The following XG variants were observed in gnomAD, a reference collection of about 807,000 sequenced individuals.
The protein encoded by XG is Xg glycoprotein (Xg blood group), also known as glycoprotein Xg.
Under a neutral mutation model 25.7 loss-of-function variants are expected in XG, and 24 were observed. That is an observed-to-expected ratio of 0.93 (90% CI 0.68 to 1.31). The LOEUF (loss-of-function observed/expected upper bound fraction) is 1.31, where lower values mean the gene tolerates loss of function less well. Ranked by LOEUF, XG falls within the 40% of genes most tolerant of loss-of-function variation. The probability of loss-of-function intolerance (pLI) is 0.00; values close to 1 mark genes in which losing one functional copy is unlikely to be tolerated. For synonymous variants in XG, 77 were observed against 69.2 expected, an observed-to-expected ratio of 1.11 and a Z score of -0.56; for missense variants, 181 against 187.6, an observed-to-expected ratio of 0.96 and a Z score of 0.21.
chrX:2,765,959 C>G (rs1029679559), intron 1 of XG, among the ~76,000 whole-genome samples: 1 of 152,200 alleles, frequency 6.6e-6, no homozygotes, highest in Non-Finnish European at 1.5e-5. Context: ...TGTGTATACA[C>G]GGGAGCATTC....
chrX:2,810,203 G>A (rs1436231188), intron 9 of XG, among the ~76,000 whole-genome samples: 2 of 112,089 alleles, frequency 1.8e-5, no homozygotes, highest in East Asian at 5.6e-4. Context: ...TATTGGCCCA[G>A]GTGTTCAACC....
intron 2 of XG, 24 bp downstream of exon 2, chrX:2,770,615 A>G (rs375648613): frequency 1.3e-4 from 203 of 1,613,588 alleles, no homozygotes; most frequent in Non-Finnish European, 1.7e-4. Context: ...TTTCAAGGGG[A>G]GCCTTCCCTT....
At chrX:2,762,257 G>C (rs1233999861) in intron 1 of XG, among the ~76,000 whole-genome samples, 3 of 152,138 alleles carry the variant, frequency 2.0e-5, no homozygotes, top group Non-Finnish European at 4.4e-5. Flanking sequence ...ACCGTCTGTT[G>C]TGTTACAGAC....
intron 1 of XG, among the ~76,000 whole-genome samples, chrX:2,765,968 T>A (rs1353763510): frequency 6.6e-6 from 1 of 152,226 alleles, no homozygotes; most frequent in Admixed American, 6.5e-5. Flanking sequence ...ACGGGAGCAT[T>A]CAGAATGAAG....
chrX:2,752,295 T>G lies in XG; in HGVS notation c.21T>G (p.Leu7=), dbSNP rs1323941538. Residue 7 remains leucine, a synonymous_variant, in exon 1 of 11, where the codon CTT becomes CTG. Coordinates refer to ENST00000644266, the MANE Select transcript of XG (RefSeq NM_001141919.2). ...AAACCATGGAGAGCTGGTGGGGACT[T>G]CCCTGTCTTGCGTTCCTGTGTTTTC... is the stretch of plus-strand genomic sequence containing the variant. MESWWG[L]PCLAFLCFLM... 3 of 1,613,730 alleles carry G rather than the reference T, an allele frequency of 1.9e-6. No homozygotes were observed. The African/African-American group carries it at 4.0e-5, about 22-fold the overall frequency.
At chrX:2,768,161 T>A (rs2050740015) in intron 1 of XG, among the ~76,000 whole-genome samples, 2 of 152,024 alleles carry the variant, frequency 1.3e-5, no homozygotes, top group African/African-American at 4.8e-5. Flanking sequence ...CCTTTGGTTA[T>A]TTAGGGCAAC....
At position 2,782,063 on chromosome X, in the gene XG, C is replaced by T; in HGVS notation, c.128-3C>T. 8.3e-7 allele frequency: 1 copy of T among 1,210,899 alleles called. No individual in the cohort carries two copies. Among genetic ancestry groups the T allele is most frequent in the Non-Finnish European group, 1.1e-6 (1 of 894,731 alleles). On this transcript the variant is annotated splice_region_variant and splice_polypyrimidine_tract_variant and intron_variant, in intron 3 of 10. Coordinates refer to ENST00000644266, the MANE Select transcript of XG (RefSeq NM_001141919.2). ...TAACAGTGCAATGTTGTTTCCTCCA[C>T]AGATATCTACCCAAAGCCAAAACCA... is the stretch of plus-strand genomic sequence containing the variant.
intron 3 of XG, among the ~76,000 whole-genome samples, chrX:2,777,722 G>C (rs2051031433): frequency 6.6e-6 from 1 of 152,206 alleles, no homozygotes; most frequent in Non-Finnish European, 1.5e-5. Context: ...TAGATGTTCA[G>C]TGATTTAATA....
chrX:2,812,537 C>T (rs957340807), intron 10 of XG, among the ~76,000 whole-genome samples: 199 of 111,128 alleles, frequency 1.8e-3, no homozygotes, highest in Non-Finnish European at 2.4e-3. Context: ...CCCATTCCTA[C>T]GGTGTTTGCT....
chrX:2,757,613 T>G (rs755926893), intron 1 of XG, among the ~76,000 whole-genome samples: 2 of 152,092 alleles, frequency 1.3e-5, no homozygotes, highest in Admixed American at 1.3e-4. Flanking sequence ...GTGCCAAGTA[T>G]TTTTCATTAC....
intron 1 of XG, among the ~76,000 whole-genome samples, chrX:2,759,592 GAA>G (rs1465372615): frequency 2.6e-5 from 4 of 152,192 alleles, no homozygotes; most frequent in African/African-American, 9.7e-5. Context: ...GGGCTGTGCA[GAA>G]AAAGTCTATG....
intron 1 of XG, among the ~76,000 whole-genome samples, chrX:2,766,748 C>T (rs311139): frequency 6.7e-6 from 1 of 149,906 alleles, no homozygotes; most frequent in African/African-American, 2.5e-5. Flanking sequence ...TGTATTTTTA[C>T]TAGAGACGGG....
chrX:2,762,880 C>T (rs1316832007), intron 1 of XG, among the ~76,000 whole-genome samples: 1 of 152,200 alleles, frequency 6.6e-6, no homozygotes, highest in Non-Finnish European at 1.5e-5. Context: ...TGAGTTCCTT[C>T]AAGGGAAATT....
chrX:2,776,096 T>C (rs1245221722), intron 3 of XG, among the ~76,000 whole-genome samples: 2 of 152,056 alleles, frequency 1.3e-5, no homozygotes, highest in African/African-American at 2.4e-5. Flanking sequence ...GAGACCATCC[T>C]GGCTAACACG....
At chrX:2,767,652 C>T (rs1026559415) in intron 1 of XG, among the ~76,000 whole-genome samples, 7 of 152,164 alleles carry the variant, frequency 4.6e-5, no homozygotes, top group Admixed American at 3.9e-4. Context: ...TCTCCCAGCC[C>T]AGGGGTCTTA....
chrX:2,754,623 A>G (rs1208954315), intron 1 of XG, among the ~76,000 whole-genome samples: 1 of 152,184 alleles, frequency 6.6e-6, no homozygotes, highest in Admixed American at 6.5e-5. Context: ...AGGTCCCACA[A>G]CAGGCCGTCT....
chrX:2,808,584 A>G, intron 9 of XG: 1 of 752,587 alleles, frequency 1.3e-6, no homozygotes, highest in Non-Finnish European at 1.6e-6. Context: ...GGAAGGTATG[A>G]ACACTCTGCC....
At position 2,797,292 on chromosome X, in the gene XG, A is replaced by G; in HGVS notation, c.323-18A>G. ...AGACACCTGAACATCCCTCAACTCT[A>G]CCTTCTCTGTCTAACAGGAGGTGGC... is the stretch of plus-strand genomic sequence containing the variant. On this transcript the variant is annotated intron_variant, in intron 6 of 10. Coordinates refer to ENST00000644266, the MANE Select transcript of XG (RefSeq NM_001141919.2). The G allele has an allele frequency of 1.7e-6, 2 of 1,208,189 alleles. No individual in the cohort carries two copies. The highest frequency in any genetic ancestry group is 1.1e-6 in the Non-Finnish European group (1 of 893,886).
intron 1 of XG, among the ~76,000 whole-genome samples, chrX:2,768,088 T>A (rs2124441283): frequency 6.6e-6 from 1 of 152,252 alleles, no homozygotes; most frequent in East Asian, 1.9e-4. Context: ...CCGTGCCACC[T>A]GCCTGTTTTA....
Sources: allele counts gnomAD v4.1 joint callset (sites outside exome capture counted in the v4.1 genomes callset), GRCh38; gene constraint gnomAD v4.1.1; transcripts MANE v1.5; gene names NCBI Gene and HGNC (gene_info 2026-07-23, HGNC 2026-07-21).